PHACTR2: variants seen among roughly 807,000 people sequenced by gnomAD.
The protein encoded by PHACTR2 is phosphatase and actin regulator 2.
PHACTR2 carries 30 observed loss-of-function variants against 76.0 expected under a neutral mutation model. The ratio of observed to expected loss-of-function variants is 0.39; its 90% CI spans 0.30 to 0.54. PHACTR2 has a LOEUF of 0.54. PHACTR2 is among the 20% of genes least tolerant of loss of function. The pLI, the probability that PHACTR2 is intolerant of heterozygous loss-of-function variation, is 0.61. For synonymous variants in PHACTR2, 292 were observed against 292.5 expected (o/e 1.00, Z 0.02); for missense variants, 696 against 781.1 (o/e 0.89, Z 1.30).
intron 1 of PHACTR2, among the ~76,000 whole-genome samples, chr6:143,629,212 C>A (rs943756325): frequency 5.9e-5 from 9 of 151,778 alleles, no homozygotes; most frequent in African/African-American, 2.2e-4. Flanking sequence ...TGGTCATATG[C>A]CCTCTCCCTA....
At position 143,764,367 on chromosome 6, in the gene PHACTR2, T is replaced by G. The variant is rs979067971; in HGVS notation, c.695-894T>G. 2.0e-5 allele frequency among the ~76,000 whole-genome samples: 3 copies of G among 151,676 alleles called. No individual in the cohort carries two copies. Among genetic ancestry groups the G allele is most frequent in the African/African-American group, 7.3e-5 (3 of 41,272 alleles). ...AAACCCTGTCTCAACAAAAATACAT[T>G]AAAGTTAGCCAGGCATGGTGGTACA... On this transcript the variant is annotated intron_variant, in intron 5 of 12. Transcript: ENST00000440869. This position sits in a 1 kb window ranked among gnomAD's most constrained non-coding sequence, Gnocchi z 4.7.
At position 143,783,341 on chromosome 6, in the gene PHACTR2, T is replaced by A. The variant is rs758970816; in HGVS notation, c.1707+61T>A. 5.3e-4 allele frequency: 483 copies of A among 918,816 alleles called. 1 individual carries two copies. The highest frequency in any genetic ancestry group is 3.0e-4 in the Middle Eastern group (1 of 3,288). The allele number at this position is 918,816 out of a possible 1,614,324, so 56.9% of individuals were successfully genotyped here. A position where few individuals can be genotyped will look rare whatever the true frequency, so the allele number is the denominator to read the frequency against. ...TTTGAGATATACTTTTAAAAAAAAA[T>A]ACTAATCCTCTCTGTATGTGTAAAT... is the stretch of plus-strand genomic sequence containing the variant. On this transcript the variant is annotated intron_variant, in intron 10 of 12. Coordinates refer to ENST00000440869, the MANE Select transcript of PHACTR2 (RefSeq NM_001100164.2). This position sits in a 1 kb window ranked among gnomAD's most constrained non-coding sequence, Gnocchi z 5.2.
Position 143,654,513 on chromosome 6 carries a change from A to C in PHACTR2, c.13+46191A>C, listed in dbSNP as rs1776815236. On this transcript the variant is annotated intron_variant, in intron 1 of 11. Transcript: ENST00000305766. The surrounding 1 kb of genome is among the most constrained non-coding windows in gnomAD (Gnocchi z 4.6). Reference sequence around the variant, plus strand: ...CAATAGAATATTATTTGCCAATTAAAAAAAATAAAGGCTGGATACTGTGGC... The same window carrying C: ...CAATAGAATATTATTTGCCAATTAACAAAAATAAAGGCTGGATACTGTGGC... 6.6e-6 allele frequency among the ~76,000 whole-genome samples: 1 copy of C among 152,182 alleles called. No homozygotes were observed. The highest frequency in any genetic ancestry group is 2.1e-4 in the South Asian group (1 of 4,824).
chr6:143,770,670 A>C (rs1775079683), intron 6 of PHACTR2, among the ~76,000 whole-genome samples: 1 of 152,130 alleles, frequency 6.6e-6, no homozygotes, highest in South Asian at 2.1e-4. Flanking sequence ...TATTCTGATA[A>C]AGTTTATCTG....
At position 143,829,468 on chromosome 6, in the gene PHACTR2, C is replaced by T. The variant is rs1776616129; in HGVS notation, c.*5779C>T. The T allele has an allele frequency of 6.6e-6, 1 of 152,172 alleles. No homozygotes were observed. Among genetic ancestry groups the T allele is most frequent in the South Asian group, 2.1e-4 (1 of 4,836 alleles). 9.4% of individuals were successfully genotyped at this position (152,172 alleles called of 1,614,324 possible). A position where few individuals can be genotyped will look rare whatever the true frequency, so the allele number is the denominator to read the frequency against. ...TGAATTTCCCCTGTATAAATGTAGT[C>T]ATGCGATTCAACTTTTCTAATAAGA... On this transcript the variant is annotated 3_prime_UTR_variant, in exon 13 of 13. Coordinates refer to ENST00000440869, the MANE Select transcript of PHACTR2 (RefSeq NM_001100164.2).
chr6:143,689,469 T>A lies in PHACTR2; in HGVS notation c.46+11260T>A, dbSNP rs1371415901. ...AGAAAGTTCAGGGGCATCTAAGAAATGTGGAGTTGTTTAAACTGATTCTTT... is the reference window on the plus strand; with the variant it reads ...AGAAAGTTCAGGGGCATCTAAGAAAAGTGGAGTTGTTTAAACTGATTCTTT... On this transcript the variant is annotated intron_variant, in intron 1 of 12. Coordinates refer to ENST00000440869, the MANE Select transcript of PHACTR2 (RefSeq NM_001100164.2). This position sits in a 1 kb window ranked among gnomAD's most constrained non-coding sequence, Gnocchi z 4.4. Among the ~76,000 whole-genome samples the A allele has an allele frequency of 6.6e-6, 1 of 152,142 alleles. No homozygotes were observed. The highest frequency in any genetic ancestry group is 1.5e-5 in the Non-Finnish European group (1 of 68,028).
intron 1 of PHACTR2, among the ~76,000 whole-genome samples, chr6:143,629,913 A>G (rs1215814853): frequency 2.6e-5 from 4 of 152,108 alleles, no homozygotes; most frequent in Non-Finnish European, 4.4e-5. Context: ...CATCTGCAAC[A>G]TGTGGCATCA....
chr6:143,760,732 T>A lies in PHACTR2; in HGVS notation c.694+92T>A. Reference sequence around the variant, plus strand: ...GTTTCTTCTAGGTGTGATGGGCTTTTGGTGTCTTAGGACATTACACCAGCA... The same window carrying A: ...GTTTCTTCTAGGTGTGATGGGCTTTAGGTGTCTTAGGACATTACACCAGCA... On this transcript the variant is annotated intron_variant, in intron 5 of 12. Coordinates refer to ENST00000440869, the MANE Select transcript of PHACTR2 (RefSeq NM_001100164.2). The surrounding 1 kb of genome is among the most constrained non-coding windows in gnomAD (Gnocchi z 6.4). The A allele has an allele frequency of 6.9e-7, 1 of 1,440,892 alleles. No individual in the cohort carries two copies. Among genetic ancestry groups the A allele is most frequent in the Non-Finnish European group, 9.4e-7 (1 of 1,067,192 alleles). 89.3% of individuals were successfully genotyped at this position (1,440,892 alleles called of 1,614,324 possible).
rs146708691 is a variant in PHACTR2 at position 143,542,499 on chromosome 6, C to T, written c.217+5292C>T. On this transcript the variant is annotated intron_variant, in intron 1 of 11. Transcript: ENST00000367584. ...TTGTCAGGAATTGAGGCAACCAATT[C>T]CTCTTTCTCTAGCCCTTTCCTAGGC... Among the ~76,000 whole-genome samples the T allele has an allele frequency of 1.2e-3, 177 of 152,244 alleles. 1 individual carries two copies. Among genetic ancestry groups the T allele is most frequent in the Non-Finnish European group, 2.2e-3 (147 of 68,004 alleles).
rs1774999467 is a variant in PHACTR2 at position 143,546,516 on chromosome 6, T to C, written c.217+9309T>C. Among the ~76,000 whole-genome samples, 1 of 152,216 alleles carries C rather than the reference T, an allele frequency of 6.6e-6. No individual in the cohort carries two copies. The highest frequency in any genetic ancestry group is 1.5e-5 in the Non-Finnish European group (1 of 68,038). ...TCATTAGTCAGGTCATCAATGTTGA[T>C]TTATGATCTTTTTTGTTTTATGTAT... On this transcript the variant is annotated intron_variant, in intron 1 of 11. Coordinates refer to the PHACTR2 transcript ENST00000367584. This position sits in a 1 kb window ranked among gnomAD's most constrained non-coding sequence, Gnocchi z 4.9.
chr6:143,735,977 A>G (rs577819087), intron 2 of PHACTR2, among the ~76,000 whole-genome samples: 2 of 151,618 alleles, frequency 1.3e-5, no homozygotes, highest in East Asian at 1.9e-4. Context: ...ATTAATAATA[A>G]TGATAACTAA....
At chr6:143,810,628 T>C in intron 12 of PHACTR2, 1 of 435,560 alleles carries the variant, frequency 2.3e-6, no homozygotes, top group East Asian at 7.5e-5. Flanking sequence ...CCAGGAGTTC[T>C]CTACCAGCCT....
intron 1 of PHACTR2, among the ~76,000 whole-genome samples, chr6:143,587,577 G>T (rs961017331): frequency 2.6e-5 from 4 of 152,152 alleles, no homozygotes; most frequent in Admixed American, 2.6e-4. Context: ...TCCAGAGTTT[G>T]TTGAGAAAAA....
chr6:143,678,319 C>G lies in PHACTR2; in HGVS notation c.46+110C>G, dbSNP rs1288869382. On this transcript the variant is annotated intron_variant, in intron 1 of 12. Transcript: ENST00000440869. The surrounding 1 kb of genome is among the most constrained non-coding windows in gnomAD (Gnocchi z 6.2). ...CTGGTCGGGTTCCGCTCGGACCCGC[C>G]AAGTCCCTCGGAGAAACCCCAGAGG... 2 of 1,034,574 alleles carry G rather than the reference C, an allele frequency of 1.9e-6. No homozygotes were observed. Among genetic ancestry groups the G allele is most frequent in the Admixed American group, 4.2e-5 (1 of 23,862 alleles). The allele number at this position is 1,034,574 out of a possible 1,614,324, so 64.1% of individuals were successfully genotyped here. A position where few individuals can be genotyped will look rare whatever the true frequency, so the allele number is the denominator to read the frequency against.
chr6:143,683,101 T>C lies in PHACTR2; in HGVS notation c.46+4892T>C, dbSNP rs1190402432. 6.6e-6 allele frequency among the ~76,000 whole-genome samples: 1 copy of C among 152,256 alleles called. No individual in the cohort carries two copies. Among genetic ancestry groups the C allele is most frequent in the Admixed American group, 6.5e-5 (1 of 15,288 alleles). On this transcript the variant is annotated intron_variant, in intron 1 of 12. Transcript: ENST00000440869. This position sits in a 1 kb window ranked among gnomAD's most constrained non-coding sequence, Gnocchi z 4.1. ...GGTTAGGTTTACAAAAGTATTTTAC[T>C]GAGAATTGGATCCATTATTTCTAAG...
At chr6:143,575,432 A>G (rs909186471) in intron 1 of PHACTR2, among the ~76,000 whole-genome samples, 1 of 152,186 alleles carries the variant, frequency 6.6e-6, no homozygotes, top group Non-Finnish European at 1.5e-5. Context: ...TCTGTCCTTT[A>G]TATTCTTGAT....
Position 143,608,524 on chromosome 6 carries a change from A to G in PHACTR2, c.13+202A>G, listed in dbSNP as rs932422278. ...TGAAGTTTAGGAACTGGGAATGCAG[A>G]TTGTATTCCAAATTCACCTTTTGTG... On this transcript the variant is annotated intron_variant, in intron 1 of 11. Transcript: ENST00000305766. The surrounding 1 kb of genome is among the most constrained non-coding windows in gnomAD (Gnocchi z 4.6). 6.6e-6 allele frequency among the ~76,000 whole-genome samples: 1 copy of G among 151,944 alleles called. No individual in the cohort carries two copies. The highest frequency in any genetic ancestry group is 2.4e-5 in the African/African-American group (1 of 41,252).
In PHACTR2 at chr6:143,558,310, T is replaced by C. The variant is rs1263972844; in HGVS notation, c.217+21103T>C. ...TTGTGGTTGTGTTTTAAGAAAGAGT[T>C]TTCCCCTATTTACATGTAAAAATAT... is the stretch of plus-strand genomic sequence containing the variant. On this transcript the variant is annotated intron_variant, in intron 1 of 11. Transcript: ENST00000367584. The surrounding 1 kb of genome is among the most constrained non-coding windows in gnomAD (Gnocchi z 4.7). 6.6e-6 allele frequency among the ~76,000 whole-genome samples: 1 copy of C among 152,154 alleles called. No individual in the cohort carries two copies. The highest frequency in any genetic ancestry group is 1.5e-5 in the Non-Finnish European group (1 of 68,038).
At chr6:143,814,249 G>A (rs1174126117) in intron 12 of PHACTR2, among the ~76,000 whole-genome samples, 1 of 152,122 alleles carries the variant, frequency 6.6e-6, no homozygotes, top group Non-Finnish European at 1.5e-5. Context: ...CCAGCTACTT[G>A]GTAGGCTGAG....
Sources: gnomAD v4.1 joint callset for allele counts (sites outside exome capture counted in the v4.1 genomes callset) on GRCh38, gnomAD v4.1.1 for gene constraint, Gnocchi (gnomAD v3.1) non-coding constraint, MANE v1.5 for transcripts, NCBI Gene and HGNC (gene_info 2026-07-23, HGNC 2026-07-21) for gene names.